Variants in ADGRE2 observed in about 807,000 individuals in gnomAD.
ADGRE2 encodes CD97 antigen.
In ADGRE2, 83 loss-of-function variants were observed where a neutral mutation model predicts 100.8. That is an observed-to-expected ratio of 0.82 (90% CI 0.69 to 0.99). The LOEUF (loss-of-function observed/expected upper bound fraction) is 0.99, where lower values mean the gene tolerates loss of function less well. ADGRE2 is among the 50% of genes least tolerant of loss of function. ADGRE2 has a pLI of 0.00. For missense variants in ADGRE2, 814 were observed against 1,035.7 expected, an observed-to-expected ratio of 0.79 and a Z score of 2.94; for synonymous variants, 355 against 413.0, an observed-to-expected ratio of 0.86 and a Z score of 1.70.
At chr19:14,773,177 G>T (rs1038042266) in intron 4 of ADGRE2, among the ~76,000 whole-genome samples, 1 of 148,456 alleles carries the variant, frequency 6.7e-6, no homozygotes, top group East Asian at 2.0e-4. Context: ...CAGTCTTAAC[G>T]GTAAACTGAG....
chr19:14,771,632 ATTTATTTAT>A (rs1483993241), intron 5 of ADGRE2, among the ~76,000 whole-genome samples: 1 of 135,412 alleles, frequency 7.4e-6, no homozygotes, highest in African/African-American at 3.1e-5. Flanking sequence ...TTATTTATTT[ATTTATTTAT>A]TTATTTATTT....
At chr19:14,737,400 C>T (rs1247272894) in intron 20 of ADGRE2, among the ~76,000 whole-genome samples, 1 of 151,984 alleles carries the variant, frequency 6.6e-6, no homozygotes, top group Non-Finnish European at 1.5e-5. Context: ...CACTGTATAG[C>T]CCAAGCTGCT....
chr19:14,766,325 T>G lies in ADGRE2; in HGVS notation c.544A>C (p.Asn182His), dbSNP rs1446956397. ...CGGCACTGATAGCTGCCCACGTTGT[T>G]GAGGCAGTGGGTGGAGCTGTGGCAT... Reference protein sequence around the residue: ...NPCHSSTHCLNNVGSYQCRCR... With the variant: ...NPCHSSTHCLHNVGSYQCRCR... The change falls in exon 7 of 21, where the codon AAC becomes CAC. Residue 182 changes from asparagine to histidine, a missense_variant. Asn to His is a moderately conservative substitution (Grantham distance 68, BLOSUM62 1). Around this residue, in one of 5 missense-constraint regions of ADGRE2, gnomAD observed 69 missense variants for 75.3 expected, o/e 0.92. Coordinates refer to ENST00000315576, the MANE Select transcript of ADGRE2 (RefSeq NM_013447.4). 1 of 1,613,988 alleles carries G rather than the reference T, an allele frequency of 6.2e-7. No homozygotes were observed. Among genetic ancestry groups the G allele is most frequent in the Non-Finnish European group, 8.5e-7 (1 of 1,180,030 alleles).
At chr19:14,743,384 G>A (rs1324970487) in intron 20 of ADGRE2, 36 bp downstream of exon 20, 7 of 1,566,272 alleles carry the variant, frequency 4.5e-6, no homozygotes, top group African/African-American at 2.7e-5. Context: ...AGGTGGGTCG[G>A]TTAGTGAAGT....
At chr19:14,773,099 CAAAAAAA>C (rs1231448957) in intron 4 of ADGRE2, among the ~76,000 whole-genome samples, 1 of 72,102 alleles carries the variant, frequency 1.4e-5, no homozygotes, top group African/African-American at 5.7e-5. Context: ...AAAAAAAAAA[CAAAAAAA>C]AAAAGAAAAA....
At chr19:14,740,633 A>C (rs909915195) in intron 20 of ADGRE2, among the ~76,000 whole-genome samples, 2 of 152,006 alleles carry the variant, frequency 1.3e-5, no homozygotes, top group Non-Finnish European at 2.9e-5. Context: ...AAAAAAAAAA[A>C]AAAAGAAAAA....
rs865980550 is a variant in ADGRE2 at position 14,765,334 on chromosome 19, T to C, written c.892A>G (p.Asn298Asp). ...LGRDYKPGLA[N>D]NTIQSILQAL... ...CCTGTCCTTACCTGGATGGTGTTAT[T>C]GGCCAAGCCTGGCTTGTAGTCTCTG... Residue 298 changes from asparagine (N) to aspartate (D), a missense_variant, in exon 10 of 21, where the codon AAT becomes GAT. Asn to Asp is a conservative substitution (Grantham distance 23). Around this residue, in one of 5 missense-constraint regions of ADGRE2, gnomAD observed 569 missense variants for 692.7 expected, o/e 0.82. Transcript: ENST00000315576. 95 of 1,614,026 alleles carry C rather than the reference T, an allele frequency of 5.9e-5. No homozygotes were observed. In the African/African-American group the frequency reaches 7.2e-4, roughly 12 times the overall value.
rs1345687481 is a variant in ADGRE2, at chr19:14,754,985, A to C, written c.1559T>G (p.Phe520Cys). 3 of 1,613,964 alleles carry C rather than the reference A, an allele frequency of 1.9e-6. No individual in the cohort carries two copies. The Admixed American group carries it at 5.0e-5, about 27-fold the overall frequency. ...ATCGTAGTGGGCCATGAGGACGGCA[A>C]AGCTGCTCAGGTGGGTGCAACGGCA... ...TICRCTHLSSFAVLMAHYDVQ... is the reference protein window; with the variant it reads ...TICRCTHLSSCAVLMAHYDVQ... The change falls in exon 14 of 21, where the codon TTT (phenylalanine) becomes TGT (cysteine). Residue 520 changes from phenylalanine (F) to cysteine (C), a missense_variant. Phe to Cys is a radical substitution (Grantham distance 205). This residue lies in a region of ADGRE2 where 569 missense variants were observed against 692.7 expected (regional missense o/e 0.82). Coordinates refer to ENST00000315576, the MANE Select transcript of ADGRE2 (RefSeq NM_013447.4).
At chr19:14,729,285 C>G (rs1801797487), downstream of ADGRE2, among the ~76,000 whole-genome samples, 1 of 152,170 alleles carries the variant, frequency 6.6e-6, no homozygotes, top group African/African-American at 2.4e-5. Flanking sequence ...GCACTGAAGA[C>G]TGTTGAGCAG....
At chr19:14,750,508 G>A (rs1462030344) in intron 16 of ADGRE2, among the ~76,000 whole-genome samples, 2 of 152,042 alleles carry the variant, frequency 1.3e-5, no homozygotes, top group Non-Finnish European at 2.9e-5. Context: ...ACAGGAGCAA[G>A]ACAAAATTGT....
intron 10 of ADGRE2, 122 bp downstream of exon 10, chr19:14,765,197 TG>T: frequency 1.1e-6 from 1 of 951,626 alleles, no homozygotes. Flanking sequence ...TGAAAGATGC[TG>T]GGAGTCAGAC....
chr19:14,754,938 C>T lies in ADGRE2; in HGVS notation c.1590+16G>A, dbSNP rs367864838. 92 of 1,612,260 alleles carry T rather than the reference C, an allele frequency of 5.7e-5. No individual in the cohort carries two copies. The highest frequency in any genetic ancestry group is 7.5e-5 in the Non-Finnish European group (88 of 1,179,166). ...CGGCAATAAATGCAGAGTGCATCCC[C>T]TCCTAAGGGTCTCACCTGCACATCG... On this transcript the variant is annotated intron_variant, in intron 14 of 20. Transcript: ENST00000315576.
chr19:14,750,725 A>G (rs911766898), intron 16 of ADGRE2, among the ~76,000 whole-genome samples: 3 of 152,228 alleles, frequency 2.0e-5, no homozygotes, highest in Admixed American at 2.0e-4. Context: ...TAGATAAAGT[A>G]GGTTAGATTT....
the ADGRE2 span, among the ~76,000 whole-genome samples, chr19:14,725,233 A>G: frequency 6.6e-6 from 1 of 152,180 alleles, no homozygotes; most frequent in Non-Finnish European, 1.5e-5. Flanking sequence ...TGACAGCACC[A>G]TGGGGATGAC....
chr19:14,727,815 C>T (rs187406457), downstream of ADGRE2, among the ~76,000 whole-genome samples: 6 of 152,282 alleles, frequency 3.9e-5, no homozygotes, highest in African/African-American at 1.4e-4. Flanking sequence ...ACCCTCTTGC[C>T]CACAATGGTG....
In ADGRE2 at chr19:14,752,527, C is replaced by A. The variant is rs1043448581; in HGVS notation, c.1591-1G>T. ...TGACAGTCAGCACGGGATCCTCCTC[C>A]TGGGACCCGGAAAAGAAGAGTTCAC... On this transcript the variant is annotated splice_acceptor_variant, in intron 14 of 20. Transcript: ENST00000315576. LOFTEE classifies it high-confidence loss of function. The A allele has an allele frequency of 1.2e-6, 2 of 1,613,726 alleles. No homozygotes were observed. The highest frequency in any genetic ancestry group is 1.7e-6 in the Non-Finnish European group (2 of 1,179,870).
chr19:14,728,081 T>C (rs745774614), downstream of ADGRE2, among the ~76,000 whole-genome samples: 18 of 152,132 alleles, frequency 1.2e-4, no homozygotes, highest in Non-Finnish European at 2.1e-4. Flanking sequence ...GGTGTGGTGG[T>C]GGGCGCCTGT....
the ADGRE2 span, among the ~76,000 whole-genome samples, chr19:14,725,089 A>G: frequency 6.6e-6 from 1 of 152,226 alleles, no homozygotes; most frequent in East Asian, 1.9e-4. Flanking sequence ...CGAGGGCCTC[A>G]GGAAGCTCAC....
chr19:14,769,246 A>G (rs749203850), intron 5 of ADGRE2, among the ~76,000 whole-genome samples: 3 of 152,098 alleles, frequency 2.0e-5, no homozygotes, highest in Non-Finnish European at 4.4e-5. Flanking sequence ...AATAAAACAA[A>G]ACAAAACAAA....
Sources: gnomAD v4.1 joint callset for allele counts (sites outside exome capture counted in the v4.1 genomes callset) on GRCh38, gnomAD v4.1.1 for gene constraint, gnomAD v4.1.1 regional missense constraint, MANE v1.5 for transcripts, NCBI Gene and HGNC (gene_info 2026-07-23, HGNC 2026-07-21) for gene names.